UNC79: variants seen among roughly 807,000 people sequenced by gnomAD.
The protein encoded by UNC79 is unc-79 subunit of NALCN channel complex.
Under a neutral mutation model 283.1 loss-of-function variants are expected in UNC79, and 37 were observed. The ratio of observed to expected loss-of-function variants is 0.13; its 90% CI spans 0.10 to 0.17. UNC79 has a LOEUF of 0.17. UNC79 is among the 10% of genes least tolerant of loss of function. The pLI is 1.00. For missense variants in UNC79, 2,272 were observed against 3,211.1 expected (o/e 0.71, Z 7.07); for synonymous variants, 1,107 against 1,200.2 (o/e 0.92, Z 1.61).
chr14:93,399,941 C>A (rs1297783723), intron 1 of UNC79, among the ~76,000 whole-genome samples: 1 of 152,136 alleles, frequency 6.6e-6, no homozygotes, highest in African/African-American at 2.4e-5. Context: ...GGACCCATGA[C>A]CGCCTGAGAT....
intron 2 of UNC79, among the ~76,000 whole-genome samples, chr14:93,473,746 A>T (rs911173089): frequency 2.0e-5 from 3 of 152,204 alleles, no homozygotes; most frequent in African/African-American, 7.2e-5. Flanking sequence ...CATTAGACAA[A>T]GCCGTTGTTT....
intron 14 of UNC79, among the ~76,000 whole-genome samples, chr14:93,559,510 G>T (rs2062409928): frequency 6.6e-6 from 1 of 152,144 alleles, no homozygotes; most frequent in African/African-American, 2.4e-5. Flanking sequence ...GGAGATAGGG[G>T]TGGGGCCATT....
chr14:93,431,877 T>A (rs979529984), intron 1 of UNC79, among the ~76,000 whole-genome samples: 2 of 152,198 alleles, frequency 1.3e-5, no homozygotes, highest in Non-Finnish European at 1.5e-5. Context: ...GCCTTCGGTG[T>A]GTGCTTGGTA....
intron 10 of UNC79, among the ~76,000 whole-genome samples, chr14:93,530,283 T>C (rs2060744673): frequency 6.6e-6 from 1 of 152,050 alleles, no homozygotes; most frequent in Non-Finnish European, 1.5e-5. Flanking sequence ...CATAAAAATA[T>C]CTGTAGGTCA....
intron 47 of UNC79, among the ~76,000 whole-genome samples, chr14:93,695,789 G>GGCTGAGGCAGGATAATC (rs1200241991): frequency 6.7e-6 from 1 of 149,940 alleles, no homozygotes; most frequent in Non-Finnish European, 1.5e-5. Context: ...CTACACGGGA[G>GGCTGAGGCAGGATAATC]GCTGAGGCAG....
intron 4 of UNC79, among the ~76,000 whole-genome samples, chr14:93,484,343 C>G (rs112150828): frequency 0.018 from 2,710 of 152,288 alleles, 46 homozygotes; most frequent in Middle Eastern, 0.051. Context: ...AGTGACTTGG[C>G]CTGCAGTCCC....
rs906346371 is a variant in UNC79, at chr14:93,417,016, T to C, written c.-350-50655T>C. Among the ~76,000 whole-genome samples the C allele has an allele frequency of 1.4e-4, 21 of 152,254 alleles. No homozygotes were observed. In the South Asian group the frequency reaches 1.7e-3, roughly 12 times the overall value. On this transcript the variant is annotated intron_variant, in intron 1 of 49. Coordinates refer to the UNC79 transcript ENST00000256339. ...TCTTTTAATTGGAGCATTTAGTCCA[T>C]TTACATTTAAAGTTAATATTGTTAT... is the stretch of plus-strand genomic sequence containing the variant.
At chr14:93,438,423 C>T (rs1468981571) in intron 1 of UNC79, among the ~76,000 whole-genome samples, 2 of 152,146 alleles carry the variant, frequency 1.3e-5, no homozygotes, top group East Asian at 1.9e-4. Context: ...GATGTATACA[C>T]TCTCTACAAC....
At chr14:93,589,668 G>T (rs148859412) in intron 22 of UNC79, among the ~76,000 whole-genome samples, 1 of 152,154 alleles carries the variant, frequency 6.6e-6, no homozygotes, top group Non-Finnish European at 1.5e-5. Context: ...TCAAAAGAAA[G>T]AGGCTGCTAA....
intron 43 of UNC79, among the ~76,000 whole-genome samples, chr14:93,687,527 G>A (rs982659282): frequency 2.0e-5 from 3 of 152,172 alleles, no homozygotes; most frequent in African/African-American, 7.2e-5. Context: ...TTAGGAGCTA[G>A]TGATCCCAGA....
chr14:93,674,082 T>C (rs1009715863), intron 41 of UNC79, among the ~76,000 whole-genome samples: 2 of 152,098 alleles, frequency 1.3e-5, no homozygotes, highest in African/African-American at 4.8e-5. Flanking sequence ...TGTCCTTAAC[T>C]CAGCATCTTA....
chr14:93,469,708 C>T (rs1462190314), intron 2 of UNC79, among the ~76,000 whole-genome samples: 1 of 152,018 alleles, frequency 6.6e-6, no homozygotes, highest in African/African-American at 2.4e-5. Context: ...AGTAAGACCC[C>T]ATCTCTAAAA....
At chr14:93,350,155 T>A (rs2053954691) in intron 1 of UNC79, among the ~76,000 whole-genome samples, 2 of 152,092 alleles carry the variant, frequency 1.3e-5, no homozygotes, top group Non-Finnish European at 2.9e-5. Context: ...GCTTCCTAGG[T>A]TTTCACTAAA....
At chr14:93,345,506 G>A (rs1302134435) in intron 1 of UNC79, among the ~76,000 whole-genome samples, 1 of 152,116 alleles carries the variant, frequency 6.6e-6, no homozygotes, top group Non-Finnish European at 1.5e-5. Context: ...AATCTAAAGT[G>A]ATAATATCTA....
At chr14:93,610,271 A>G (rs2066204551) in intron 26 of UNC79, among the ~76,000 whole-genome samples, 1 of 152,160 alleles carries the variant, frequency 6.6e-6, no homozygotes, top group Middle Eastern at 3.2e-3. Context: ...CTTGATTCTC[A>G]GCACTATAAA....
intron 22 of UNC79, among the ~76,000 whole-genome samples, chr14:93,588,740 CAAA>C (rs397745981): frequency 3.4e-4 from 6 of 17,788 alleles, no homozygotes; most frequent in African/African-American, 7.0e-4. Flanking sequence ...GACTCCGTCT[CAAA>C]AAAAAAAAAA....
chr14:93,402,467 G>T (rs1382928669), intron 1 of UNC79, among the ~76,000 whole-genome samples: 1 of 151,646 alleles, frequency 6.6e-6, no homozygotes, highest in African/African-American at 2.4e-5. Context: ...CAAAAAAGCA[G>T]ATATGAACTG....
intron 10 of UNC79, among the ~76,000 whole-genome samples, chr14:93,529,845 G>T (rs1266141146): frequency 6.6e-6 from 1 of 152,182 alleles, no homozygotes; most frequent in Non-Finnish European, 1.5e-5. Context: ...AGACAAGATT[G>T]CAATGCTTCT....
chr14:93,508,755 A>G (rs1302605840), intron 7 of UNC79, among the ~76,000 whole-genome samples: 2 of 152,158 alleles, frequency 1.3e-5, no homozygotes, highest in African/African-American at 4.8e-5. Context: ...GCTAAATTCA[A>G]TTATTAGTTC....
Sources: gnomAD v4.1 joint callset for allele counts (sites outside exome capture counted in the v4.1 genomes callset) on GRCh38, gnomAD v4.1.1 for gene constraint, MANE v1.5 for transcripts, NCBI Gene and HGNC (gene_info 2026-07-23, HGNC 2026-07-21) for gene names.